Variants in PTPRH observed in about 807,000 individuals in gnomAD.
PTPRH encodes the protein receptor-type tyrosine-protein phosphatase H.
PTPRH carries 113 observed loss-of-function variants against 130.2 expected under a neutral mutation model. The ratio of observed to expected loss-of-function variants is 0.87; its 90% CI spans 0.75 to 1.01. The LOEUF (loss-of-function observed/expected upper bound fraction) is 1.01, where lower values mean the gene tolerates loss of function less well. Among genes scored for constraint, PTPRH ranks in the 50% least tolerant of loss-of-function variants. The pLI, the probability that PTPRH is intolerant of heterozygous loss-of-function variation, is 0.00. For synonymous variants in PTPRH, 556 were observed against 577.9 expected (o/e 0.96, Z 0.54); for missense variants, 1,430 against 1,425.0 (o/e 1.00, Z -0.06).
rs1392678127 is a variant in PTPRH, at chr19:55,203,817, A to C, written c.851T>G (p.Val284Gly). The C allele has an allele frequency of 6.2e-7, 1 of 1,613,060 alleles. No homozygotes were observed. The highest frequency in any genetic ancestry group is 1.1e-5 in the South Asian group (1 of 91,070). The part of the protein sequence containing the change: ...TCSVWVEKDG[V>G]NSSVEIVTSA... Reference sequence around the variant, plus strand: ...AGTGACAATCTCCACAGAGCTATTTACTCCGTCTTTCTCCACCCACACAGA... The same window carrying C: ...AGTGACAATCTCCACAGAGCTATTTCCTCCGTCTTTCTCCACCCACACAGA... Residue 284 changes from valine to glycine, a missense_variant, in exon 5 of 20, where the codon GTA becomes GGA. By Grantham distance (109) the Val-to-Gly change is moderately radical (BLOSUM62 -3). Transcript: ENST00000376350.
Position 55,206,793 on chromosome 19 carries a change from T to A in PTPRH, c.248A>T (p.Asn83Ile). ...TTETRNTTAT[N>I]VTVDGLGPGS... The stretch of plus-strand genomic sequence containing the variant: ...GGGTCCAAGGCCATCCACGGTGACG[T>A]TGGTGGCTGTTGTGTTTCGAGTCTC... The change falls in exon 3 of 20, where the codon AAC (asparagine) becomes ATC (isoleucine). Residue 83 changes from asparagine to isoleucine, a missense_variant. Transcript: ENST00000376350. 1 of 1,614,156 alleles carries A rather than the reference T, an allele frequency of 6.2e-7. No individual in the cohort carries two copies. Among genetic ancestry groups the A allele is most frequent in the Non-Finnish European group, 8.5e-7 (1 of 1,180,024 alleles).
intron 17 of PTPRH, 47 bp from the exon 18 acceptor site, chr19:55,185,709 G>A (rs781024333): frequency 6.2e-7 from 1 of 1,603,632 alleles, no homozygotes; most frequent in Non-Finnish European, 8.5e-7. Flanking sequence ...ATGTAGGGAG[G>A]ACCTGGCTTC....
rs773815525 is a variant in PTPRH at position 55,200,320 on chromosome 19, C to A, written c.1336G>T (p.Glu446Ter). ...GAGAATGTGTACAAGGTTCCGGGCT[C>A]AAGTCTCTCAGCTGTCACACTGGTA... is the stretch of plus-strand genomic sequence containing the variant. ...TNTSVTAERL[E>*]PGTLYTFSVW... The change falls in exon 7 of 20, where the codon GAG (glutamate) becomes TAG (stop). Residue 446 changes from glutamate (E) to a stop codon, truncating the protein, a stop_gained. Transcript: ENST00000376350. LOFTEE classifies it high-confidence loss of function. The A allele has an allele frequency of 6.2e-7, 1 of 1,614,202 alleles. No individual in the cohort carries two copies. The highest frequency in any genetic ancestry group is 1.1e-5 in the South Asian group (1 of 91,080).
At chr19:55,205,212 T>G (rs1370692327) in intron 4 of PTPRH, 114 bp downstream of exon 4, 1 of 1,497,764 alleles carries the variant, frequency 6.7e-7, no homozygotes, top group South Asian at 1.3e-5. Flanking sequence ...GATGTGGACA[T>G]GAGTACCTGG....
chr19:55,192,357 A>G (rs950405533), intron 10 of PTPRH, among the ~76,000 whole-genome samples: 2 of 151,796 alleles, frequency 1.3e-5, no homozygotes, highest in Non-Finnish European at 2.9e-5. Flanking sequence ...AGCCCAGATC[A>G]CACTACTGCA....
chr19:55,194,421 C>T (rs1221711696), intron 10 of PTPRH: 1 of 1,020,436 alleles, frequency 9.8e-7, no homozygotes, highest in Non-Finnish European at 1.3e-6. Flanking sequence ...TCTCAGGGAT[C>T]CTTGTTACTA....
chr19:55,209,399 C>T lies in PTPRH; in HGVS notation c.35G>A (p.Gly12Glu). The T allele has an allele frequency of 6.4e-7, 1 of 1,562,202 alleles. No individual in the cohort carries two copies. ...AGAGGGLGVW[G>E]NLVLLGLCSW... ...AGCACTTACCAGCAGCACCAGGTTCCCCCAGACCCCGAGGCCCCCGCCAGC... is the reference window on the plus strand; with the variant it reads ...AGCACTTACCAGCAGCACCAGGTTCTCCCAGACCCCGAGGCCCCCGCCAGC... The change falls in exon 1 of 20, where the codon GGG (glycine) becomes GAG (glutamate). Residue 12 changes from glycine to glutamate, a missense_variant. Physicochemically the swap from Gly to Glu is moderately conservative, Grantham distance 98 (BLOSUM62 -2). Transcript: ENST00000376350. This position sits in a 1 kb window ranked among gnomAD's most constrained non-coding sequence, Gnocchi z 4.1.
chr19:55,187,236 T>G (rs1472639442), intron 14 of PTPRH, among the ~76,000 whole-genome samples: 2 of 143,752 alleles, frequency 1.4e-5, no homozygotes, highest in Non-Finnish European at 3.0e-5. Context: ...TCCCAGCTAC[T>G]CGGGAGGCTG....
chr19:55,204,897 G>A (rs911049954), intron 4 of PTPRH, among the ~76,000 whole-genome samples: 9 of 152,078 alleles, frequency 5.9e-5, no homozygotes, highest in Admixed American at 2.6e-4. Flanking sequence ...CTACCATATC[G>A]GACAATGGAG....
At chr19:55,187,949 C>T in intron 13 of PTPRH, 129 bp downstream of exon 13, 4 of 679,794 alleles carry the variant, frequency 5.9e-6, no homozygotes, top group South Asian at 1.7e-5. Context: ...AATCTCTGCA[C>T]AATCCAATGA....
chr19:55,206,493 A>ATT (rs58733303), intron 3 of PTPRH, among the ~76,000 whole-genome samples, 196 bp downstream of exon 3: 2 of 151,000 alleles, frequency 1.3e-5, no homozygotes, highest in South Asian at 2.1e-4. Flanking sequence ...CTACTTTTTA[A>ATT]TTTTTTTGTA....
Position 55,202,163 on chromosome 19 carries a change from G to T in PTPRH, c.1046C>A (p.Thr349Asn), listed in dbSNP as rs765796304. 3 of 1,614,194 alleles carry T rather than the reference G, an allele frequency of 1.9e-6. No homozygotes were observed. The highest frequency in any genetic ancestry group is 1.7e-5 in the Admixed American group (1 of 60,008). ...TTCAAGTCTATCCACGGTGATGTTG[G>T]TGTGTGCTGTGCTTCGAGTCCCTGC... is the stretch of plus-strand genomic sequence containing the variant. ...GRAGTRSTAH[T>N]NITVDRLEPG... Residue 349 changes from threonine to asparagine, a missense_variant, in exon 6 of 20, where the codon ACC becomes AAC. Coordinates refer to ENST00000376350, the MANE Select transcript of PTPRH (RefSeq NM_002842.5).
Position 55,182,026 on chromosome 19 carries a change from A to G in PTPRH, c.3188T>C (p.Val1063Ala). ...RKMRESRPLM[V>A]QTEAQYVFLH... ...GAGGGACTGCCTCACCTCAGTCTGC[A>G]CCATCAACGGCCGACTCTCTCTCAT... The change falls in exon 19 of 20, where the codon GTG becomes GCG. Residue 1063 changes from valine to alanine, a missense_variant. Transcript: ENST00000376350. 6.2e-7 allele frequency: 1 copy of G among 1,614,010 alleles called. No individual in the cohort carries two copies. The highest frequency in any genetic ancestry group is 1.1e-5 in the South Asian group (1 of 91,076).
At chr19:55,193,190 T>C (rs546830090) in intron 10 of PTPRH, among the ~76,000 whole-genome samples, 1 of 149,338 alleles carries the variant, frequency 6.7e-6, no homozygotes, top group South Asian at 2.1e-4. Flanking sequence ...ATTGCACGAC[T>C]GCACTCCAGA....
chr19:55,196,248 C>A lies in PTPRH; in HGVS notation c.2257+274G>T, dbSNP rs112756918. Among the ~76,000 whole-genome samples, 485 of 151,962 alleles carry A rather than the reference C, an allele frequency of 3.2e-3. 1 individual carries two copies. The highest frequency in any genetic ancestry group is 0.011 in the African/African-American group (455 of 41,418). On this transcript the variant is annotated intron_variant, in intron 10 of 19. Coordinates refer to ENST00000376350, the MANE Select transcript of PTPRH (RefSeq NM_002842.5). ...ACTAAAAATCCAAAAATTAGCCGGG[C>A]GTGGTGGCACGTGCCTGTAGTCCCA... is the stretch of plus-strand genomic sequence containing the variant.
chr19:55,200,157 G>A, intron 7 of PTPRH, 79 bp downstream of exon 7: 14 of 1,508,962 alleles, frequency 9.3e-6, no homozygotes, highest in Non-Finnish European at 1.3e-5. Flanking sequence ...CAGAGCCAGA[G>A]CCCAGAAGAG....
chr19:55,202,628 C>CAT (rs1254428178), intron 5 of PTPRH, among the ~76,000 whole-genome samples: 2 of 151,888 alleles, frequency 1.3e-5, no homozygotes, highest in Non-Finnish European at 2.9e-5. Context: ...TACACATACA[C>CAT]ATATATATAC....
intron 10 of PTPRH, among the ~76,000 whole-genome samples, 196 bp downstream of exon 10, chr19:55,196,326 T>G (rs1316785727): frequency 2.6e-5 from 4 of 152,080 alleles, no homozygotes; most frequent in Non-Finnish European, 5.9e-5. Context: ...AGGCAGAGGT[T>G]GCAATGAGCC....
At chr19:55,191,859 G>A (rs769010355) in intron 10 of PTPRH, 118 bp from the exon 11 acceptor site, 5 of 874,478 alleles carry the variant, frequency 5.7e-6, no homozygotes, top group African/African-American at 5.3e-5. Context: ...GCTGACCCCC[G>A]AACATCACAC....
Sources: gnomAD v4.1 joint callset for allele counts (sites outside exome capture counted in the v4.1 genomes callset) on GRCh38, gnomAD v4.1.1 for gene constraint, Gnocchi (gnomAD v3.1) non-coding constraint, MANE v1.5 for transcripts, NCBI Gene and HGNC (gene_info 2026-07-23, HGNC 2026-07-21) for gene names.